The following RALGAPA2 variants were observed in gnomAD, a reference collection of about 807,000 sequenced individuals.
RALGAPA2 encodes the protein Ral GTPase activating protein catalytic subunit alpha 2, also known as ral GTPase-activating protein subunit alpha-2.
Under a neutral mutation model 230.4 loss-of-function variants are expected in RALGAPA2, and 139 were observed. The observed-to-expected ratio is 0.60, with a 90% CI of 0.53 to 0.69. The LOEUF is 0.69. Ranked by LOEUF, RALGAPA2 falls within the 30% of genes least tolerant of loss-of-function variation. RALGAPA2 has a pLI of 0.00. For synonymous variants in RALGAPA2, 847 were observed against 837.8 expected, an observed-to-expected ratio of 1.01 and a Z score of -0.19; for missense variants, 2,163 against 2,276.0, an observed-to-expected ratio of 0.95 and a Z score of 1.01.
At chr20:20,487,505 T>C (rs1413044860) in intron 36 of RALGAPA2, among the ~76,000 whole-genome samples, 1 of 152,194 alleles carries the variant, frequency 6.6e-6, no homozygotes, top group East Asian at 1.9e-4. Flanking sequence ...AAAGTGCTTT[T>C]CAGTTTTGTT....
At chr20:20,684,430 T>A (rs1233624724) in intron 1 of RALGAPA2, among the ~76,000 whole-genome samples, 2 of 152,170 alleles carry the variant, frequency 1.3e-5, no homozygotes, top group African/African-American at 2.4e-5. Context: ...CTCAGCATGT[T>A]TAAGGATCCC....
intron 3 of RALGAPA2, among the ~76,000 whole-genome samples, chr20:20,665,743 A>G (rs982722316): frequency 6.6e-5 from 10 of 152,248 alleles, no homozygotes; most frequent in Admixed American, 5.2e-4. Flanking sequence ...TGTACAGATC[A>G]TAGACATTTC....
chr20:20,557,006 C>T (rs1340249702), intron 23 of RALGAPA2, among the ~76,000 whole-genome samples: 2 of 152,054 alleles, frequency 1.3e-5, no homozygotes, highest in Non-Finnish European at 2.9e-5. Context: ...GGGTCACTGC[C>T]ATCATAGATA....
At chr20:20,492,694 C>A (rs1031123947) in intron 36 of RALGAPA2, among the ~76,000 whole-genome samples, 2 of 152,140 alleles carry the variant, frequency 1.3e-5, no homozygotes, top group Non-Finnish European at 2.9e-5. Flanking sequence ...CCTTTGTCCT[C>A]GCTCACAGGC....
intron 36 of RALGAPA2, among the ~76,000 whole-genome samples, chr20:20,494,038 C>T (rs1389809363): frequency 6.6e-6 from 1 of 152,058 alleles, no homozygotes; most frequent in Admixed American, 6.5e-5. Context: ...ATTCTCTCTC[C>T]ATAGTAGTAA....
chr20:20,643,906 C>T (rs557357317), intron 4 of RALGAPA2, among the ~76,000 whole-genome samples: 1 of 152,048 alleles, frequency 6.6e-6, no homozygotes, highest in African/African-American at 2.4e-5. Context: ...AACATTTTTA[C>T]AAGAACATTT....
chr20:20,590,193 C>T (rs2065246922), intron 17 of RALGAPA2, among the ~76,000 whole-genome samples: 1 of 151,874 alleles, frequency 6.6e-6, no homozygotes, highest in South Asian at 2.1e-4. Context: ...CCATACTGTA[C>T]AACACATTTC....
In RALGAPA2 at chr20:20,707,546, A is replaced by G. The variant is rs893301007; in HGVS notation, c.106+4829T>C. ...ACATCAAAAATGCTAATGATAAAAT[A>G]AAGACAACAGTTACAACTGTAAGTC... On this transcript the variant is annotated intron_variant, in intron 1 of 39. Transcript: ENST00000202677. Among the ~76,000 whole-genome samples the G allele has an allele frequency of 3.3e-5, 5 of 152,384 alleles. No homozygotes were observed. The East Asian group carries it at 9.6e-4, about 29-fold the overall frequency.
intron 36 of RALGAPA2, among the ~76,000 whole-genome samples, chr20:20,492,691 C>T (rs1420561769): frequency 6.6e-6 from 1 of 152,120 alleles, no homozygotes; most frequent in Non-Finnish European, 1.5e-5. Context: ...CACCCTTTGT[C>T]CTCGCTCACA....
chr20:20,476,718 T>TAAATAAAA (rs1556115919), intron 36 of RALGAPA2, among the ~76,000 whole-genome samples: 9 of 146,160 alleles, frequency 6.2e-5, no homozygotes, highest in Non-Finnish European at 1.2e-4. Context: ...AATAAATAAA[T>TAAATAAAA]AAAAGAAAAT....
intron 1 of RALGAPA2, among the ~76,000 whole-genome samples, chr20:20,702,472 A>T (rs758849125): frequency 2.5e-4 from 38 of 152,216 alleles, no homozygotes; most frequent in Non-Finnish European, 4.7e-4. Context: ...ACTTCAACAT[A>T]GGTCTGAGAA....
At chr20:20,459,232 T>C (rs1602430661) in intron 37 of RALGAPA2, among the ~76,000 whole-genome samples, 1 of 152,124 alleles carries the variant, frequency 6.6e-6, no homozygotes, top group African/African-American at 2.4e-5. Flanking sequence ...GATATCCTAA[T>C]AAAAGCAAAA....
intron 37 of RALGAPA2, among the ~76,000 whole-genome samples, chr20:20,434,522 C>A (rs1170695529): frequency 6.6e-6 from 1 of 152,164 alleles, no homozygotes; most frequent in African/African-American, 2.4e-5. Flanking sequence ...AGGCCACCAG[C>A]ATGGCCAAAT....
chr20:20,473,369 T>G (rs75972351), intron 36 of RALGAPA2, among the ~76,000 whole-genome samples: 2,806 of 152,266 alleles, frequency 0.018, 103 homozygotes, highest in East Asian at 0.15. Context: ...CTGATGTATA[T>G]TAACTCTTAA....
At position 20,512,962 on chromosome 20, in the gene RALGAPA2, C is replaced by T. The variant is rs1262276232; in HGVS notation, c.4407G>A (p.Lys1469=). The change falls in exon 32 of 40, where the codon AAG becomes AAA. Residue 1469 remains lysine, a synonymous_variant. Coordinates refer to ENST00000202677, the MANE Select transcript of RALGAPA2 (RefSeq NM_020343.4). The stretch of plus-strand genomic sequence containing the variant: ...ATAAAACCTTACCATCCCAAGAGTA[C>T]TTCCCTGAGATATCCCTCACAATTA... ...VRVIVRDISG[K]YSWDGKVLYG... The T allele has an allele frequency of 6.2e-7, 1 of 1,613,656 alleles. No homozygotes were observed. Among genetic ancestry groups the T allele is most frequent in the East Asian group, 2.2e-5 (1 of 44,876 alleles).
rs112887296 is a variant in RALGAPA2 at position 20,412,742 on chromosome 20, T to TA, written c.5496-595dup. Among the ~76,000 whole-genome samples, 1,078 of 148,334 alleles carry TA rather than the reference T, an allele frequency of 7.3e-3. 6 individuals carry two copies. The highest frequency in any genetic ancestry group is 0.012 in the Non-Finnish European group (781 of 66,738). ...TCTACCAAGAGTGCACAGTGCAATTTAAAAAAAAAAGACTACTGCCTTTTA... is the reference window on the plus strand; with the variant it reads ...TCTACCAAGAGTGCACAGTGCAATTTAAAAAAAAAAAGACTACTGCCTTTTA... On this transcript the variant is annotated intron_variant, in intron 37 of 39. Coordinates refer to ENST00000202677, the MANE Select transcript of RALGAPA2 (RefSeq NM_020343.4).
chr20:20,513,810 C>T (rs920962042), intron 31 of RALGAPA2, among the ~76,000 whole-genome samples: 1 of 152,224 alleles, frequency 6.6e-6, no homozygotes, highest in African/African-American at 2.4e-5. Context: ...GGGACTTCCA[C>T]AGCCAGAACT....
intron 37 of RALGAPA2, among the ~76,000 whole-genome samples, chr20:20,462,008 A>C (rs1342576815): frequency 6.6e-6 from 1 of 152,212 alleles, no homozygotes; most frequent in Non-Finnish European, 1.5e-5. Context: ...AGTTTAAACA[A>C]GTGGACAAGG....
At chr20:20,674,247 G>C (rs1223474212) in intron 3 of RALGAPA2, among the ~76,000 whole-genome samples, 1 of 150,868 alleles carries the variant, frequency 6.6e-6, no homozygotes, top group Non-Finnish European at 1.5e-5. Flanking sequence ...CAAAAATCTA[G>C]AACTGTAATT....
Sources: allele counts gnomAD v4.1 joint callset (sites outside exome capture counted in the v4.1 genomes callset), GRCh38; gene constraint gnomAD v4.1.1; transcripts MANE v1.5; gene names NCBI Gene and HGNC (gene_info 2026-07-23, HGNC 2026-07-21).